The following STXBP5L variants were observed in gnomAD, a reference collection of about 807,000 sequenced individuals.
The protein encoded by STXBP5L is syntaxin-binding protein 5-like.
In STXBP5L, 65 loss-of-function variants were observed where a neutral mutation model predicts 144.5. The observed-to-expected ratio is 0.45, with a 90% CI of 0.37 to 0.55. The LOEUF (loss-of-function observed/expected upper bound fraction) is 0.55, where lower values mean the gene tolerates loss of function less well. STXBP5L is among the 20% of genes least tolerant of loss of function. The pLI is 0.00. For synonymous variants in STXBP5L, 505 were observed against 469.6 expected (o/e 1.08, Z -0.97); for missense variants, 1,298 against 1,405.5 (o/e 0.92, Z 1.22).
chr3:121,395,599 T>C (rs898770483), intron 22 of STXBP5L, among the ~76,000 whole-genome samples: 2 of 152,238 alleles, frequency 1.3e-5, no homozygotes, highest in Admixed American at 1.3e-4. Context: ...TCAGAAAGCA[T>C]GTGCAACTGC....
At chr3:120,918,810 A>G (rs529788718) in intron 2 of STXBP5L, among the ~76,000 whole-genome samples, 7 of 152,262 alleles carry the variant, frequency 4.6e-5, no homozygotes, top group African/African-American at 1.4e-4. Flanking sequence ...GTAAAGTCAC[A>G]GGTTTTTTGA....
At chr3:121,306,912 A>G (rs2043354501) in intron 19 of STXBP5L, among the ~76,000 whole-genome samples, 1 of 152,198 alleles carries the variant, frequency 6.6e-6, no homozygotes, top group Non-Finnish European at 1.5e-5. Context: ...ACAATAAAAT[A>G]ATAGACCAAT....
intron 5 of STXBP5L, among the ~76,000 whole-genome samples, chr3:121,086,149 A>G (rs762568475): frequency 3.3e-5 from 5 of 152,326 alleles, no homozygotes; most frequent in African/African-American, 4.8e-5. Flanking sequence ...TATACCTTAT[A>G]GAAAAATTAA....
intron 10 of STXBP5L, 126 bp from the exon 11 acceptor site, chr3:121,222,877 G>A: frequency 1.0e-6 from 1 of 988,392 alleles, no homozygotes; most frequent in Non-Finnish European, 1.4e-6. Flanking sequence ...TTTGAGCCGG[G>A]CAAGTTTTTT....
Position 121,294,787 on chromosome 3 carries a change from A to G in STXBP5L, c.2110+14831A>G, listed in dbSNP as rs28369215. ...AGACCTTCACAGAAGAAAAAACAAA[A>G]CAAAACAAAACAAAAAACCTGGGGA... On this transcript the variant is annotated intron_variant, in intron 19 of 26. Transcript: ENST00000471454. Among the ~76,000 whole-genome samples, 169 of 152,244 alleles carry G rather than the reference A, an allele frequency of 1.1e-3. 1 individual carries two copies. In the East Asian group the frequency reaches 0.03, roughly 27 times the overall value.
At chr3:120,927,152 G>T (rs956261547) in intron 2 of STXBP5L, among the ~76,000 whole-genome samples, 2 of 151,994 alleles carry the variant, frequency 1.3e-5, no homozygotes, top group Non-Finnish European at 2.9e-5. Flanking sequence ...AACCAGGACG[G>T]TCTCAATCTT....
chr3:121,038,173 T>A (rs1284384281), intron 3 of STXBP5L, among the ~76,000 whole-genome samples: 1 of 151,876 alleles, frequency 6.6e-6, no homozygotes, highest in East Asian at 1.9e-4. Flanking sequence ...TTGTTCTCCT[T>A]TTTTCTGGTT....
intron 20 of STXBP5L, among the ~76,000 whole-genome samples, chr3:121,366,656 A>G (rs1576296509): frequency 6.6e-6 from 1 of 152,204 alleles, no homozygotes. Flanking sequence ...AGTCTGTTAT[A>G]AACCATGTAT....
intron 3 of STXBP5L, among the ~76,000 whole-genome samples, chr3:120,963,456 A>G (rs947314091): frequency 3.9e-5 from 6 of 152,160 alleles, no homozygotes; most frequent in African/African-American, 1.4e-4. Context: ...ATCAATACCT[A>G]GTTTATTGAG....
At chr3:121,128,318 A>G (rs1026524889) in intron 7 of STXBP5L, among the ~76,000 whole-genome samples, 2 of 152,022 alleles carry the variant, frequency 1.3e-5, no homozygotes, top group Non-Finnish European at 2.9e-5. Context: ...TAAAGTAGAG[A>G]TGTCAGAGTC....
intron 18 of STXBP5L, among the ~76,000 whole-genome samples, chr3:121,275,084 T>C (rs1417647503): frequency 6.6e-6 from 1 of 152,206 alleles, no homozygotes; most frequent in Non-Finnish European, 1.5e-5. Flanking sequence ...TTCCAGGTAC[T>C]CATCTGTTCT....
chr3:120,954,334 T>C (rs1937783973), intron 2 of STXBP5L, among the ~76,000 whole-genome samples: 2 of 152,112 alleles, frequency 1.3e-5, no homozygotes, highest in Non-Finnish European at 2.9e-5. Flanking sequence ...AAATACAGAA[T>C]ATTACATCTT....
At chr3:120,925,412 G>C (rs1709571005) in intron 2 of STXBP5L, among the ~76,000 whole-genome samples, 1 of 152,038 alleles carries the variant, frequency 6.6e-6, no homozygotes, top group African/African-American at 2.4e-5. Context: ...ATTATATAGT[G>C]ATCTTCTTTG....
At chr3:121,137,172 T>C (rs1419873785) in intron 7 of STXBP5L, among the ~76,000 whole-genome samples, 1 of 152,112 alleles carries the variant, frequency 6.6e-6, no homozygotes, top group Admixed American at 6.6e-5. Context: ...CACCAAACCC[T>C]GATAACATGC....
rs570073602 is a variant in STXBP5L at position 121,321,170 on chromosome 3, A to G, written c.2176+2630A>G. On this transcript the variant is annotated intron_variant, in intron 20 of 26. Transcript: ENST00000471454. ...TCAATACCTTACTTGATACTGGTCT[A>G]CTAGACAGGTCCCACTCTTCTTTAG... Among the ~76,000 whole-genome samples, 5 of 152,336 alleles carry G rather than the reference A, an allele frequency of 3.3e-5. No individual in the cohort carries two copies. In the East Asian group the frequency reaches 7.7e-4, roughly 23 times the overall value.
At chr3:121,031,198 G>A (rs1946343981) in intron 3 of STXBP5L, among the ~76,000 whole-genome samples, 1 of 151,968 alleles carries the variant, frequency 6.6e-6, no homozygotes, top group Admixed American at 6.6e-5. Flanking sequence ...AAACAGGAAT[G>A]GCATTATGAG....
At chr3:120,999,829 GTCTCCTTTATT>G in intron 3 of STXBP5L, among the ~76,000 whole-genome samples, 1 of 114,272 alleles carries the variant, frequency 8.8e-6, no homozygotes, top group Non-Finnish European at 2.0e-5. Flanking sequence ...TCCTTTATTT[GTCTCCTTTATT>G]TGCTTGTCTG....
chr3:121,367,289 G>A (rs926485575), intron 20 of STXBP5L, among the ~76,000 whole-genome samples: 7 of 151,968 alleles, frequency 4.6e-5, no homozygotes, highest in African/African-American at 1.2e-4. Context: ...CACCCTGCAG[G>A]ACTCCTTTGC....
intron 3 of STXBP5L, among the ~76,000 whole-genome samples, chr3:121,017,632 A>G (rs908106800): frequency 3.9e-5 from 6 of 152,244 alleles, no homozygotes; most frequent in Non-Finnish European, 7.3e-5. Context: ...TTGCTTTCTT[A>G]TATACCAGCA....
Sources: gnomAD v4.1 joint callset for allele counts (sites outside exome capture counted in the v4.1 genomes callset) on GRCh38, gnomAD v4.1.1 for gene constraint, MANE v1.5 for transcripts, NCBI Gene and HGNC (gene_info 2026-07-23, HGNC 2026-07-21) for gene names.